The following GPC6 variants were observed in gnomAD, a reference collection of about 807,000 sequenced individuals.
GPC6 encodes glypican 6.
In GPC6, 14 loss-of-function variants were observed where a neutral mutation model predicts 55.2. That is an observed-to-expected ratio of 0.25 (90% CI 0.17 to 0.40). The LOEUF is 0.40. Among genes scored for constraint, GPC6 ranks in the 10% least tolerant of loss-of-function variants. The probability of loss-of-function intolerance (pLI) is 1.00; values close to 1 mark genes in which losing one functional copy is unlikely to be tolerated. For synonymous variants in GPC6, 278 were observed against 259.6 expected (o/e 1.07, Z -0.68); for missense variants, 641 against 708.5 (o/e 0.90, Z 1.08).
chr13:93,282,698 C>G (rs1877992949), intron 1 of GPC6, among the ~76,000 whole-genome samples: 1 of 151,346 alleles, frequency 6.6e-6, no homozygotes, highest in South Asian at 2.1e-4. Flanking sequence ...TCACTGCCAT[C>G]ATCCCTTTCT....
chr13:94,342,005 G>A (rs1344400072), intron 6 of GPC6, among the ~76,000 whole-genome samples: 2 of 152,196 alleles, frequency 1.3e-5, no homozygotes, highest in African/African-American at 2.4e-5. Context: ...TCAAAGTAGG[G>A]TTCCCATATC....
intron 1 of GPC6, among the ~76,000 whole-genome samples, chr13:93,511,013 C>G (rs1238258719): frequency 2.1e-4 from 4 of 18,816 alleles, no homozygotes; most frequent in Admixed American, 5.7e-4. Context: ...ATATTCATGT[C>G]CTTTGGCCAT....
chr13:94,288,851 A>G (rs1156554289), intron 5 of GPC6, among the ~76,000 whole-genome samples: 1 of 77,168 alleles, frequency 1.3e-5, no homozygotes, highest in Non-Finnish European at 3.0e-5. Flanking sequence ...ACAAATATAT[A>G]TAATAAATAT....
intron 3 of GPC6, among the ~76,000 whole-genome samples, chr13:93,874,616 C>T (rs1403629954): frequency 6.7e-6 from 1 of 149,866 alleles, no homozygotes; most frequent in African/African-American, 2.5e-5. Context: ...CTCATGGAGC[C>T]CTACCGTAAC....
chr13:93,461,643 C>T (rs1331889635), intron 1 of GPC6, among the ~76,000 whole-genome samples: 1 of 104,302 alleles, frequency 9.6e-6, no homozygotes, highest in African/African-American at 3.7e-5. Context: ...TGTTTCATAG[C>T]TGAAGATACT....
intron 3 of GPC6, among the ~76,000 whole-genome samples, chr13:93,890,714 TA>T (rs199961581): frequency 0.045 from 6,256 of 140,564 alleles, 448 homozygotes; most frequent in African/African-American, 0.15. Flanking sequence ...AAATTTTACT[TA>T]ATTTTTTTTT....
chr13:93,443,483 G>A (rs1566360357), intron 1 of GPC6, among the ~76,000 whole-genome samples: 1 of 152,162 alleles, frequency 6.6e-6, no homozygotes, highest in East Asian at 1.9e-4. Flanking sequence ...TAAGCATAAT[G>A]CTCGTAATTG....
At chr13:93,997,517 C>A (rs1881609421) in intron 3 of GPC6, among the ~76,000 whole-genome samples, 2 of 151,802 alleles carry the variant, frequency 1.3e-5, no homozygotes, top group South Asian at 4.2e-4. Context: ...CTCTCCAAAC[C>A]AAAAGAAGAA....
intron 1 of GPC6, among the ~76,000 whole-genome samples, chr13:93,497,193 C>CT (rs1301565786): frequency 1.3e-5 from 2 of 152,176 alleles, no homozygotes; most frequent in African/African-American, 4.8e-5. Flanking sequence ...TAATGTTTTA[C>CT]TTTCACATTG....
chr13:93,604,563 CT>C (rs1230652355), intron 2 of GPC6, among the ~76,000 whole-genome samples: 2 of 151,894 alleles, frequency 1.3e-5, no homozygotes, highest in Admixed American at 6.6e-5. Context: ...AGTGAGGTAC[CT>C]TTTTTTTCTT....
chr13:94,171,277 G>A (rs923958556), intron 4 of GPC6, among the ~76,000 whole-genome samples: 1 of 152,158 alleles, frequency 6.6e-6, no homozygotes, highest in African/African-American at 2.4e-5. Flanking sequence ...TTACACGCAA[G>A]ACCATTGAAA....
chr13:93,270,252 T>TAA (rs5805797), intron 1 of GPC6, among the ~76,000 whole-genome samples: 34,712 of 141,492 alleles, frequency 0.25, 4,316 homozygotes, highest in South Asian at 0.3. Flanking sequence ...CTTTTCTCCT[T>TAA]AAAAAAAAAA....
chr13:93,252,265 T>C (rs1876810916), intron 1 of GPC6, among the ~76,000 whole-genome samples: 1 of 151,304 alleles, frequency 6.6e-6, no homozygotes, highest in Non-Finnish European at 1.5e-5. Context: ...GCAGTTCCCT[T>C]TTTTTTCCCC....
chr13:94,104,150 C>T (rs1885969330), intron 4 of GPC6, among the ~76,000 whole-genome samples: 3 of 152,126 alleles, frequency 2.0e-5, no homozygotes, highest in African/African-American at 7.2e-5. Context: ...AATTGTTTCC[C>T]CATTTCTTGT....
At chr13:93,837,596 T>C (rs151278510) in intron 3 of GPC6, among the ~76,000 whole-genome samples, 55 of 152,288 alleles carry the variant, frequency 3.6e-4, no homozygotes, top group African/African-American at 1.3e-3. Context: ...ACTAAGCAGG[T>C]TACAGCATTT....
At chr13:94,231,824 T>C (rs1890737162) in intron 4 of GPC6, among the ~76,000 whole-genome samples, 1 of 151,690 alleles carries the variant, frequency 6.6e-6, no homozygotes, top group South Asian at 2.1e-4. Context: ...GCTATTAAAA[T>C]GAAAACACAA....
intron 1 of GPC6, among the ~76,000 whole-genome samples, chr13:93,240,294 C>T (rs9561289): frequency 0.26 from 39,172 of 151,912 alleles, 5,155 homozygotes; most frequent in African/African-American, 0.32. Context: ...TTTACAAATC[C>T]GGAAGCTCTG....
At chr13:93,454,161 G>A (rs1339280501) in intron 1 of GPC6, among the ~76,000 whole-genome samples, 1 of 144,136 alleles carries the variant, frequency 6.9e-6, no homozygotes, top group Non-Finnish European at 1.6e-5. Flanking sequence ...TAGACACAGG[G>A]TGCTGATTGG....
chr13:93,266,826 A>G (rs1877340702), intron 1 of GPC6, among the ~76,000 whole-genome samples: 1 of 152,212 alleles, frequency 6.6e-6, no homozygotes, highest in African/African-American at 2.4e-5. Context: ...AGAATTACAT[A>G]TAGCCTTGTG....
Sources: gnomAD v4.1 joint callset for allele counts (sites outside exome capture counted in the v4.1 genomes callset) on GRCh38, gnomAD v4.1.1 for gene constraint, MANE v1.5 for transcripts, NCBI Gene and HGNC (gene_info 2026-07-23, HGNC 2026-07-21) for gene names.